VAPB: variants seen among roughly 807,000 people sequenced by gnomAD.
The protein encoded by VAPB is VAMP associated protein B and C.
Under a neutral mutation model 25.6 loss-of-function variants are expected in VAPB, and 7 were observed. That is an observed-to-expected ratio of 0.27 (90% CI 0.16 to 0.51). VAPB has a LOEUF of 0.51. VAPB is among the 20% of genes least tolerant of loss of function. The pLI is 0.97. For synonymous variants in VAPB, 112 were observed against 109.2 expected (o/e 1.03, Z -0.16); for missense variants, 266 against 301.3 (o/e 0.88, Z 0.87).
chr20:58,408,948 A>G lies in VAPB; in HGVS notation c.59-9263A>G, dbSNP rs960142050. ...TGGAAACAGGAAAGGAACAAACAAA[A>G]TATGTCCTATGCAGAAGATGAAAAG... On this transcript the variant is annotated intron_variant, in intron 1 of 5. Coordinates refer to ENST00000475243, the MANE Select transcript of VAPB (RefSeq NM_004738.5). Among the ~76,000 whole-genome samples the G allele has an allele frequency of 7.4e-5, 11 of 148,264 alleles. 1 individual carries two copies. Among genetic ancestry groups the G allele is most frequent in the Admixed American group, 6.1e-4 (9 of 14,850 alleles).
chr20:58,424,467 G>A (rs1988742641), intron 2 of VAPB, among the ~76,000 whole-genome samples: 1 of 151,962 alleles, frequency 6.6e-6, no homozygotes, highest in African/African-American at 2.4e-5. Context: ...TCGGGGAATT[G>A]TTCTCCATGT....
intron 1 of VAPB, among the ~76,000 whole-genome samples, chr20:58,400,890 C>T (rs62204462): frequency 5.3e-5 from 8 of 152,324 alleles, no homozygotes; most frequent in Admixed American, 3.9e-4. Context: ...CTCTGAAAAT[C>T]TAAATTTGTG....
chr20:58,441,850 C>T (rs1363009765), intron 5 of VAPB, among the ~76,000 whole-genome samples: 1 of 152,126 alleles, frequency 6.6e-6, no homozygotes, highest in East Asian at 1.9e-4. Flanking sequence ...TAGGTCTGGG[C>T]AGTTGTGGCT....
At chr20:58,435,054 C>T (rs943581627) in intron 3 of VAPB, among the ~76,000 whole-genome samples, 3 of 152,018 alleles carry the variant, frequency 2.0e-5, no homozygotes, top group Non-Finnish European at 2.9e-5. Flanking sequence ...TTCATTGTCC[C>T]GCCTTTTTCT....
intron 4 of VAPB, chr20:58,440,693 A>G: frequency 2.1e-6 from 1 of 484,472 alleles, no homozygotes; most frequent in Non-Finnish European, 3.7e-6. Flanking sequence ...GCCGAACTTC[A>G]TTATTTGCCC....
Position 58,440,945 on chromosome 20 carries a change from A to G in VAPB, c.435A>G (p.Ala145=). The G allele has an allele frequency of 6.2e-7, 1 of 1,614,056 alleles. No homozygotes were observed. The highest frequency in any genetic ancestry group is 8.5e-7 in the Non-Finnish European group (1 of 1,179,978). The change falls in exon 5 of 6, where the codon GCA becomes GCG. Residue 145 remains alanine, a synonymous_variant. Coordinates refer to ENST00000475243, the MANE Select transcript of VAPB (RefSeq NM_004738.5). ...VEINKIISTT[A]SKTETPIVSK... ...TAAATAAAATTATATCCACAACTGC[A>G]TCAAAGACAGAAACACCAATAGTGT...
At chr20:58,423,125 A>G (rs1988702243) in intron 2 of VAPB, among the ~76,000 whole-genome samples, 1 of 152,138 alleles carries the variant, frequency 6.6e-6, no homozygotes, top group Non-Finnish European at 1.5e-5. Flanking sequence ...TAAAATCCTC[A>G]GGACAGCCAG....
At chr20:58,429,233 A>G (rs1289099897) in intron 2 of VAPB, among the ~76,000 whole-genome samples, 1 of 152,004 alleles carries the variant, frequency 6.6e-6, no homozygotes, top group African/African-American at 2.4e-5. Flanking sequence ...GAAAGTTGAC[A>G]TGCCGGTAGG....
rs1568719949 is a variant in VAPB, at chr20:58,440,983, G to A, written c.473G>A (p.Ser158Asn). The A allele has an allele frequency of 6.2e-7, 1 of 1,614,114 alleles. No homozygotes were observed. Among genetic ancestry groups the A allele is most frequent in the Non-Finnish European group, 8.5e-7 (1 of 1,180,026 alleles). ...ACACCAATAGTGTCTAAGTCTCTGA[G>A]TTCTTCTTTGGATGACACCGAAGTT... The part of the protein sequence containing the change: ...TETPIVSKSL[S>N]SSLDDTEVKK... The change falls in exon 5 of 6, where the codon AGT (serine) becomes AAT (asparagine). Residue 158 changes from serine to asparagine, a missense_variant. By Grantham distance (46) the Ser-to-Asn change is conservative. This residue lies in a region of VAPB where 136 missense variants were observed against 130.7 expected (regional missense o/e 1.04). Transcript: ENST00000475243.
At chr20:58,391,400 A>G (rs934322918) in intron 1 of VAPB, among the ~76,000 whole-genome samples, 1 of 152,190 alleles carries the variant, frequency 6.6e-6, no homozygotes. Context: ...AAGAGGTGTC[A>G]TTTGAGCTCA....
intron 2 of VAPB, among the ~76,000 whole-genome samples, chr20:58,425,144 G>A (rs1158108428): frequency 6.6e-6 from 1 of 152,184 alleles, no homozygotes; most frequent in African/African-American, 2.4e-5. Context: ...TCTTTGATTA[G>A]TCTCAAAAAA....
chr20:58,389,502 G>C lies in VAPB; in HGVS notation c.43G>C (p.Glu15Gln), dbSNP rs886340297. 5.0e-6 allele frequency: 8 copies of C among 1,592,454 alleles called. No homozygotes were observed. Among genetic ancestry groups the C allele is most frequent in the Non-Finnish European group, 6.8e-6 (8 of 1,170,508 alleles). ...EQVLSLEPQH[E>Q]LKFRGPFTDV... ...GGTCCTGAGCCTCGAGCCGCAGCAC[G>C]AGCTCAAATTCCGAGGTAAGCCCCA... is the stretch of plus-strand genomic sequence containing the variant. Residue 15 changes from glutamate (E) to glutamine (Q), a missense_variant, in exon 1 of 6, where the codon GAG becomes CAG. Coordinates refer to ENST00000475243, the MANE Select transcript of VAPB (RefSeq NM_004738.5).
intron 1 of VAPB, among the ~76,000 whole-genome samples, chr20:58,406,100 C>A (rs139602629): frequency 8.6e-5 from 13 of 151,876 alleles, no homozygotes; most frequent in Non-Finnish European, 1.9e-4. Flanking sequence ...TCAAGAGTGC[C>A]GTTTGGACAT....
intron 2 of VAPB, chr20:58,431,074 C>T (rs1988917198): frequency 1.3e-5 from 2 of 152,204 alleles, no homozygotes; most frequent in Admixed American, 6.5e-5. Flanking sequence ...CGATACTACA[C>T]CAAAACTTGA....
chr20:58,409,364 A>G (rs781529408), intron 1 of VAPB, among the ~76,000 whole-genome samples: 2 of 152,226 alleles, frequency 1.3e-5, no homozygotes, highest in African/African-American at 2.4e-5. Context: ...AAATATTAAT[A>G]AGATATCCAA....
Position 58,448,197 on chromosome 20 carries a change from A to G in VAPB, c.*3962A>G, listed in dbSNP as rs1054103780. The G allele has an allele frequency of 6.6e-6, 3 of 453,892 alleles. No homozygotes were observed. Among genetic ancestry groups the G allele is most frequent in the African/African-American group, 6.0e-5 (3 of 49,958 alleles). 28.1% of individuals were successfully genotyped at this position (453,892 alleles called of 1,614,324 possible). On this transcript the variant is annotated 3_prime_UTR_variant, in exon 6 of 6. Coordinates refer to ENST00000475243, the MANE Select transcript of VAPB (RefSeq NM_004738.5). ...AGGCCCCTGCAAAGTATATAGATGG[A>G]TGACTCTAGTTCATGACATACAAAT...
intron 1 of VAPB, among the ~76,000 whole-genome samples, chr20:58,410,024 C>T (rs985158444): frequency 2.0e-5 from 3 of 151,594 alleles, no homozygotes; most frequent in Non-Finnish European, 2.9e-5. Context: ...ATATAAAAGA[C>T]CAAATGCTTT....
Position 58,440,924 on chromosome 20 carries a change from T to C in VAPB, c.414T>C (p.Asn138=). The C allele has an allele frequency of 1.9e-6, 3 of 1,613,698 alleles. No individual in the cohort carries two copies. The highest frequency in any genetic ancestry group is 2.5e-6 in the Non-Finnish European group (3 of 1,179,814). ...TTGAACAGCATGATGTAGAAATAAATAAAATTATATCCACAACTGCATCAA... is the reference window on the plus strand; with the variant it reads ...TTGAACAGCATGATGTAGAAATAAACAAAATTATATCCACAACTGCATCAA... ...ENDKPHDVEI[N]KIISTTASKT... is the part of the protein sequence containing the mutation. Residue 138 remains asparagine, a synonymous_variant, in exon 5 of 6, where the codon AAT becomes AAC. Transcript: ENST00000475243.
At chr20:58,405,635 G>C (rs1988207763) in intron 1 of VAPB, among the ~76,000 whole-genome samples, 1 of 150,556 alleles carries the variant, frequency 6.6e-6, no homozygotes, top group Non-Finnish European at 1.5e-5. Context: ...TTAGTAGACA[G>C]GGTTTCACCA....
Sources: gnomAD v4.1 joint callset for allele counts (sites outside exome capture counted in the v4.1 genomes callset) on GRCh38, gnomAD v4.1.1 for gene constraint, gnomAD v4.1.1 regional missense constraint, MANE v1.5 for transcripts, NCBI Gene and HGNC (gene_info 2026-07-23, HGNC 2026-07-21) for gene names.